Variants in AGAP1 observed in about 807,000 individuals in gnomAD.
AGAP1 encodes ArfGAP with GTPase domain, ankyrin repeat and PH domain 1.
A neutral mutation model predicts 105.3 loss-of-function variants in AGAP1; 29 were observed. The observed-to-expected ratio is 0.28, with a 90% CI of 0.21 to 0.38. The LOEUF is 0.38. Ranked by LOEUF, AGAP1 falls within the 10% of genes least tolerant of loss-of-function variation. AGAP1 has a pLI of 1.00. For missense variants in AGAP1, 998 were observed against 1,165.1 expected (o/e 0.86, Z 2.09); for synonymous variants, 509 against 485.9 (o/e 1.05, Z -0.63).
In AGAP1 at chr2:235,901,267, G is replaced by C. The variant is rs1357017769; in HGVS notation, c.1156-7471G>C. On this transcript the variant is annotated intron_variant, in intron 10 of 17. Transcript: ENST00000304032. The surrounding 1 kb of genome is among the most constrained non-coding windows in gnomAD (Gnocchi z 4.3). ...GGGAATAGTAGTGAACTTTACAATG[G>C]CTTCTCTTACATACTTTTTTTTTTT... Among the ~76,000 whole-genome samples the C allele has an allele frequency of 6.6e-6, 1 of 151,878 alleles. No homozygotes were observed. The highest frequency in any genetic ancestry group is 2.4e-5 in the African/African-American group (1 of 41,354).
intron 1 of AGAP1, among the ~76,000 whole-genome samples, chr2:235,644,296 G>A (rs12692176): frequency 0.72 from 108,805 of 152,140 alleles, 39,001 homozygotes; most frequent in East Asian, 0.8. Context: ...AGAACGGAGC[G>A]GAGCCTGTTG....
At chr2:235,935,751 AT>A (rs536018718) in intron 12 of AGAP1, among the ~76,000 whole-genome samples, 1 of 152,192 alleles carries the variant, frequency 6.6e-6, no homozygotes, top group African/African-American at 2.4e-5. Flanking sequence ...GAAGCCTGTA[AT>A]TTTTTTTGAT....
chr2:235,734,375 T>C lies in AGAP1; in HGVS notation c.311-6588T>C, dbSNP rs1443465735. Among the ~76,000 whole-genome samples, 1 of 152,144 alleles carries C rather than the reference T, an allele frequency of 6.6e-6. No individual in the cohort carries two copies. The highest frequency in any genetic ancestry group is 1.9e-4 in the East Asian group (1 of 5,182). On this transcript the variant is annotated intron_variant, in intron 3 of 17. Transcript: ENST00000304032. The surrounding 1 kb of genome is among the most constrained non-coding windows in gnomAD (Gnocchi z 5.3). The stretch of plus-strand genomic sequence containing the variant: ...GGGCGGTTGACGAGGTGTGGCCAGC[T>C]TGCATCTGCTGAAAGAACCGGGGTG...
At chr2:235,972,911 G>T (rs2054712270) in intron 13 of AGAP1, among the ~76,000 whole-genome samples, 1 of 152,182 alleles carries the variant, frequency 6.6e-6, no homozygotes, top group Admixed American at 6.5e-5. Context: ...GGCCCAGGGA[G>T]CCCTCGCGGC....
chr2:235,965,652 C>CT lies in AGAP1; in HGVS notation c.1484-2808dup, dbSNP rs1209033308. ...GGATACCACGTGCCTCAGCGGATTGCTTAAGAGTCCTGAACGCATTGCTGA... is the reference window on the plus strand; with the variant it reads ...GGATACCACGTGCCTCAGCGGATTGCTTTAAGAGTCCTGAACGCATTGCTGA... On this transcript the variant is annotated intron_variant, in intron 12 of 17. Transcript: ENST00000304032. This position sits in a 1 kb window ranked among gnomAD's most constrained non-coding sequence, Gnocchi z 5.8. Among the ~76,000 whole-genome samples, 2 of 152,140 alleles carry CT rather than the reference C, an allele frequency of 1.3e-5. No homozygotes were observed. Among genetic ancestry groups the CT allele is most frequent in the African/African-American group, 4.8e-5 (2 of 41,436 alleles).
At chr2:235,948,169 G>GTT (rs139034116) in intron 12 of AGAP1, among the ~76,000 whole-genome samples, 2 of 151,966 alleles carry the variant, frequency 1.3e-5, no homozygotes, top group Non-Finnish European at 2.9e-5. Flanking sequence ...GTTTTCTGGG[G>GTT]TTTTTTTTGT....
chr2:235,638,302 A>G (rs2149301163), intron 1 of AGAP1, among the ~76,000 whole-genome samples: 1 of 152,124 alleles, frequency 6.6e-6, no homozygotes, highest in South Asian at 2.1e-4. Context: ...GTGAGAGGTG[A>G]GTGTGGCCCC....
rs1017559424 is a variant in AGAP1, at chr2:235,866,860, T to C, written c.1051-16485T>C. On this transcript the variant is annotated intron_variant, in intron 9 of 17. Transcript: ENST00000304032. This position sits in a 1 kb window ranked among gnomAD's most constrained non-coding sequence, Gnocchi z 6.1. ...TTTTCTAATAAGGACAACAGTCATA[T>C]TGGATTAGGGCCCATCCTAACAGCC... 3.3e-5 allele frequency among the ~76,000 whole-genome samples: 5 copies of C among 152,196 alleles called. No individual in the cohort carries two copies. The highest frequency in any genetic ancestry group is 1.2e-4 in the African/African-American group (5 of 41,442).
chr2:235,949,410 G>T (rs1029287708), intron 12 of AGAP1, among the ~76,000 whole-genome samples: 1 of 152,094 alleles, frequency 6.6e-6, no homozygotes, highest in African/African-American at 2.4e-5. Context: ...GAGGGCGGTG[G>T]CCAGGGGGTG....
chr2:235,695,174 T>G (rs1949938536), intron 1 of AGAP1, among the ~76,000 whole-genome samples: 1 of 152,210 alleles, frequency 6.6e-6, no homozygotes, highest in Admixed American at 6.5e-5. Flanking sequence ...GCATCGAGGC[T>G]GACCTTCGCA....
In AGAP1 at chr2:236,050,430, G is replaced by C. The variant is rs537138148; in HGVS notation, c.2114+1149G>C. 2.0e-5 allele frequency among the ~76,000 whole-genome samples: 3 copies of C among 152,164 alleles called. No individual in the cohort carries two copies. Among genetic ancestry groups the C allele is most frequent in the Admixed American group, 2.0e-4 (3 of 15,272 alleles). ...TTAAAATTGCATGGTTTTGATACGC[G>C]ACCTCTTTATGAGTTATGCTCTATA... On this transcript the variant is annotated intron_variant, in intron 16 of 17. Coordinates refer to ENST00000304032, the MANE Select transcript of AGAP1 (RefSeq NM_001037131.3). This position sits in a 1 kb window ranked among gnomAD's most constrained non-coding sequence, Gnocchi z 4.0.
intron 1 of AGAP1, among the ~76,000 whole-genome samples, chr2:235,706,374 G>A (rs1296633076): frequency 6.6e-5 from 10 of 151,390 alleles, no homozygotes; most frequent in African/African-American, 2.0e-4. Context: ...ACAGGCGCCC[G>A]CCACCACGCC....
At chr2:235,597,778 G>T (rs1258019702) in intron 1 of AGAP1, among the ~76,000 whole-genome samples, 3 of 121,598 alleles carry the variant, frequency 2.5e-5, no homozygotes, top group Non-Finnish European at 5.2e-5. Flanking sequence ...GCGTGCACGC[G>T]CTCCCGTGTT....
intron 1 of AGAP1, among the ~76,000 whole-genome samples, chr2:235,519,902 C>A (rs1029445268): frequency 3.9e-5 from 6 of 152,156 alleles, no homozygotes; most frequent in Admixed American, 3.9e-4. Context: ...CCTGCCTCAG[C>A]CTCCTGAGTA....
intron 1 of AGAP1, chr2:235,669,917 C>T (rs529719051): frequency 3.3e-4 from 49 of 148,686 alleles, no homozygotes; most frequent in African/African-American, 1.1e-3. Flanking sequence ...CCCCGGCACT[C>T]GGGCGGCGCG....
In AGAP1 at chr2:236,126,772, A is replaced by G. The variant is rs1482653188; in HGVS notation, c.*2650A>G. On this transcript the variant is annotated 3_prime_UTR_variant, in exon 18 of 18. Transcript: ENST00000304032. ...CAGTTTTTGAGGGTCTTTCGAAAAA[A>G]AGAAGACGGGGCAGCTTTGCCCAGA... The G allele has an allele frequency of 6.6e-6, 1 of 152,116 alleles. No individual in the cohort carries two copies. The highest frequency in any genetic ancestry group is 1.5e-5 in the Non-Finnish European group (1 of 68,030). The allele number at this position is 152,116 out of a possible 1,614,324, so 9.4% of individuals were successfully genotyped here.
chr2:235,647,987 G>A (rs1287518402), intron 1 of AGAP1, among the ~76,000 whole-genome samples: 3 of 152,158 alleles, frequency 2.0e-5, no homozygotes, highest in African/African-American at 7.2e-5. Context: ...GAGTACTGGG[G>A]TGACTGAGAT....
chr2:236,037,789 A>G (rs937914379), intron 14 of AGAP1, among the ~76,000 whole-genome samples: 2 of 152,080 alleles, frequency 1.3e-5, no homozygotes, highest in East Asian at 1.9e-4. Context: ...CTTCAGTTTC[A>G]TTATTTTAAT....
rs147411658 is a variant in AGAP1, at chr2:235,714,043, T to G, written c.223-3514T>G. Among the ~76,000 whole-genome samples the G allele has an allele frequency of 3.4e-3, 511 of 152,304 alleles. 3 individuals carry two copies. The highest frequency in any genetic ancestry group is 6.5e-3 in the Non-Finnish European group (439 of 68,032). On this transcript the variant is annotated intron_variant, in intron 2 of 17. Coordinates refer to ENST00000304032, the MANE Select transcript of AGAP1 (RefSeq NM_001037131.3). This position sits in a 1 kb window ranked among gnomAD's most constrained non-coding sequence, Gnocchi z 4.1. ...TGTTTTTATTTTTTGAGACAGAGTCTCACTCTGTCGCCCAGGCTGGAGTGC... is the reference window on the plus strand; with the variant it reads ...TGTTTTTATTTTTTGAGACAGAGTCGCACTCTGTCGCCCAGGCTGGAGTGC...
Sources: allele counts gnomAD v4.1 joint callset (sites outside exome capture counted in the v4.1 genomes callset), GRCh38; gene constraint gnomAD v4.1.1; non-coding constraint Gnocchi (gnomAD v3.1); transcripts MANE v1.5; gene names NCBI Gene and HGNC (gene_info 2026-07-23, HGNC 2026-07-21).